The following COL14A1 variants were observed in gnomAD, a reference collection of about 807,000 sequenced individuals.
COL14A1 encodes collagen alpha-1(XIV) chain.
In COL14A1, 136 loss-of-function variants were observed where a neutral mutation model predicts 230.3. The observed-to-expected ratio is 0.59, with a 90% CI of 0.51 to 0.68. The LOEUF (loss-of-function observed/expected upper bound fraction) is 0.68. Ranked by LOEUF, COL14A1 falls within the 30% of genes least tolerant of loss-of-function variation. The pLI is 0.00. For synonymous variants in COL14A1, 792 were observed against 784.1 expected (o/e 1.01, Z -0.17); for missense variants, 1,976 against 2,215.8 (o/e 0.89, Z 2.17).
intron 40 of COL14A1, among the ~76,000 whole-genome samples, chr8:120,330,339 C>T (rs984684937): frequency 3.3e-5 from 5 of 152,118 alleles, no homozygotes; most frequent in Admixed American, 2.6e-4. Context: ...ATTATTCTCA[C>T]GCTGCTAATA....
At position 120,316,082 on chromosome 8, in the gene COL14A1, G is replaced by A. The variant is rs1821220406; in HGVS notation, c.4659+85G>A. ...TTATTGCTGACAGGCTTCTATGTAA[G>A]GGAGTCAAGCCAGTTTTTGCTTTTT... is the stretch of plus-strand genomic sequence containing the variant. On this transcript the variant is annotated intron_variant, in intron 40 of 47. Coordinates refer to ENST00000297848, the MANE Select transcript of COL14A1 (RefSeq NM_021110.4). 7 of 1,392,098 alleles carry A rather than the reference G, an allele frequency of 5.0e-6. No homozygotes were observed. The South Asian group carries it at 8.3e-5, about 17-fold the overall frequency. 86.2% of individuals were successfully genotyped at this position (1,392,098 alleles called of 1,614,324 possible).
chr8:120,337,915 C>T lies in COL14A1; in HGVS notation c.4786-3410C>T, dbSNP rs186237018. Among the ~76,000 whole-genome samples the T allele has an allele frequency of 3.3e-5, 5 of 152,328 alleles. No individual in the cohort carries two copies. The East Asian group carries it at 9.6e-4, about 29-fold the overall frequency. On this transcript the variant is annotated intron_variant, in intron 42 of 47. Coordinates refer to ENST00000297848, the MANE Select transcript of COL14A1 (RefSeq NM_021110.4). ...TCATTAAAAAGATCTTTCACTGAGA[C>T]TGCCTAGCTGCATCCTTTGGCTACT...
intron 2 of COL14A1, among the ~76,000 whole-genome samples, chr8:120,157,077 A>T (rs1815504723): frequency 6.6e-6 from 1 of 152,232 alleles, no homozygotes; most frequent in African/African-American, 2.4e-5. Context: ...GAAATACTGG[A>T]ACATTTGTGT....
At chr8:120,187,415 C>T (rs1356282502) in intron 5 of COL14A1, among the ~76,000 whole-genome samples, 7 of 152,012 alleles carry the variant, frequency 4.6e-5, no homozygotes, top group African/African-American at 7.2e-5. Context: ...ATTTAATCAC[C>T]GAGTGGTGTT....
chr8:120,209,796 G>T lies in COL14A1; in HGVS notation c.1362G>T (p.Val454=). 1 of 1,613,728 alleles carries T rather than the reference G, an allele frequency of 6.2e-7. No individual in the cohort carries two copies. The highest frequency in any genetic ancestry group is 1.7e-5 in the Admixed American group (1 of 59,966). Residue 454 remains valine (V), a synonymous_variant, in exon 12 of 48, where the codon GTG becomes GTT. Transcript: ENST00000297848. The part of the protein sequence containing the change: ...PMASDLLLYD[V]TENSMRVKWD... ...CTTCTGACCTTCTACTGTACGACGTGACTGAGAACAGCATGCGAGTCAAAT... is the reference window on the plus strand; with the variant it reads ...CTTCTGACCTTCTACTGTACGACGTTACTGAGAACAGCATGCGAGTCAAAT...
At chr8:120,350,318 A>T (rs1448433096) in intron 45 of COL14A1, among the ~76,000 whole-genome samples, 1 of 149,406 alleles carries the variant, frequency 6.7e-6, no homozygotes, top group African/African-American at 2.5e-5. Flanking sequence ...CTAGGAAGAA[A>T]CTGCATCAAC....
At position 120,315,515 on chromosome 8, in the gene COL14A1, A is replaced by T; in HGVS notation, c.4552-18A>T. Reference sequence around the variant, plus strand: ...TTTACCTATGTGAACTTAACTCTGTATACTTTTGGATATTCAGGGAATGCC... The same window carrying T: ...TTTACCTATGTGAACTTAACTCTGTTTACTTTTGGATATTCAGGGAATGCC... On this transcript the variant is annotated intron_variant, in intron 38 of 47. Coordinates refer to ENST00000297848, the MANE Select transcript of COL14A1 (RefSeq NM_021110.4). 1 of 1,606,834 alleles carries T rather than the reference A, an allele frequency of 6.2e-7. No individual in the cohort carries two copies. Among genetic ancestry groups the T allele is most frequent in the Non-Finnish European group, 8.5e-7 (1 of 1,173,648 alleles).
At chr8:120,199,711 A>T in intron 8 of COL14A1, 145 bp downstream of exon 8, 1 of 730,730 alleles carries the variant, frequency 1.4e-6, no homozygotes, top group Non-Finnish European at 2.2e-6. Context: ...CAGCCCTGTG[A>T]TCTGAGCCCA....
At chr8:120,253,828 G>A (rs893536549) in intron 22 of COL14A1, among the ~76,000 whole-genome samples, 4 of 152,152 alleles carry the variant, frequency 2.6e-5, no homozygotes, top group African/African-American at 9.7e-5. Flanking sequence ...GGAGGCTGAG[G>A]CAGGAGAATC....
At chr8:120,335,567 G>T (rs894312830) in intron 42 of COL14A1, among the ~76,000 whole-genome samples, 2 of 152,144 alleles carry the variant, frequency 1.3e-5, no homozygotes, top group East Asian at 3.9e-4. Context: ...GTGTCATGGT[G>T]TTAAGGCCTG....
At chr8:120,192,664 C>T (rs1162846867) in intron 5 of COL14A1, among the ~76,000 whole-genome samples, 1 of 152,108 alleles carries the variant, frequency 6.6e-6, no homozygotes, top group Non-Finnish European at 1.5e-5. Flanking sequence ...TCCATTCTCC[C>T]CGTCACTTTC....
chr8:120,191,231 T>G (rs1233552818), intron 5 of COL14A1, among the ~76,000 whole-genome samples: 3 of 145,552 alleles, frequency 2.1e-5, no homozygotes, highest in Non-Finnish European at 4.5e-5. Context: ...TCCCAGAGAT[T>G]CTGGTATGTT....
chr8:120,342,532 A>T (rs1822342768), intron 44 of COL14A1, 86 bp downstream of exon 44: 1 of 1,276,338 alleles, frequency 7.8e-7, no homozygotes, highest in Non-Finnish European at 1.1e-6. Flanking sequence ...CGTACCACTA[A>T]GGAAAACTCT....
Position 120,212,497 on chromosome 8 carries a change from C to A in COL14A1, c.1517C>A (p.Pro506His). Residue 506 changes from proline to histidine, a missense_variant, in exon 13 of 48, where the codon CCC becomes CAC. Pro to His is a moderately conservative substitution (Grantham distance 77). Coordinates refer to ENST00000297848, the MANE Select transcript of COL14A1 (RefSeq NM_021110.4). ...GATATTGAATTGAGTGGGTTGTTGC[C>A]CAATACAGAATACACAGTCACAGTT... ...HTDIELSGLL[P>H]NTEYTVTVYA... 6.2e-7 allele frequency: 1 copy of A among 1,613,416 alleles called. No homozygotes were observed. The highest frequency in any genetic ancestry group is 8.5e-7 in the Non-Finnish European group (1 of 1,179,618).
intron 45 of COL14A1, among the ~76,000 whole-genome samples, chr8:120,366,516 A>T (rs1328871032): frequency 2.0e-5 from 3 of 152,178 alleles, no homozygotes; most frequent in Non-Finnish European, 4.4e-5. Context: ...TTGTGATAGG[A>T]CCTGTTTAGA....
chr8:120,269,603 C>G (rs1196873445), intron 25 of COL14A1, among the ~76,000 whole-genome samples: 2 of 151,738 alleles, frequency 1.3e-5, no homozygotes, highest in Non-Finnish European at 3.0e-5. Flanking sequence ...TTGAATCTCT[C>G]TGACATTAAC....
chr8:120,313,936 CAGA>C lies in COL14A1; in HGVS notation c.4461_4463del (p.Asp1488del). ...TACTTCTCTCTTGCCTTCCAGGGAC[CAGA>C]TGGCCCTCGGGGTGAAATTGGTCTG... On this transcript the variant is annotated inframe_deletion, in exon 38 of 48. Coordinates refer to ENST00000297848, the MANE Select transcript of COL14A1 (RefSeq NM_021110.4). The C allele has an allele frequency of 6.2e-7, 1 of 1,609,572 alleles. No homozygotes were observed. The highest frequency in any genetic ancestry group is 8.5e-7 in the Non-Finnish European group (1 of 1,177,442).
chr8:120,291,892 G>A (rs1040901952), intron 34 of COL14A1, among the ~76,000 whole-genome samples: 5 of 151,916 alleles, frequency 3.3e-5, no homozygotes, highest in Admixed American at 6.6e-5. Context: ...AATAGAAACC[G>A]CGTCATTGTC....
intron 40 of COL14A1, among the ~76,000 whole-genome samples, chr8:120,320,981 A>C (rs964465969): frequency 2.6e-5 from 4 of 152,230 alleles, no homozygotes; most frequent in African/African-American, 7.2e-5. Context: ...AAACAATGCC[A>C]CACAGCTAGT....
Sources: gnomAD v4.1 joint callset for allele counts (sites outside exome capture counted in the v4.1 genomes callset) on GRCh38, gnomAD v4.1.1 for gene constraint, MANE v1.5 for transcripts, NCBI Gene and HGNC (gene_info 2026-07-23, HGNC 2026-07-21) for gene names.